RBPJ: variants seen among roughly 807,000 people sequenced by gnomAD.
RBPJ encodes recombining binding protein suppressor of hairless.
RBPJ carries 9 observed loss-of-function variants against 67.8 expected under a neutral mutation model. The observed-to-expected ratio is 0.13, with a 90% confidence interval of 0.08 to 0.23. The LOEUF (loss-of-function observed/expected upper bound fraction) is 0.23. Ranked by LOEUF, RBPJ falls within the 10% of genes least tolerant of loss-of-function variation. The pLI is 1.00. For synonymous variants in RBPJ, 198 were observed against 203.3 expected, an observed-to-expected ratio of 0.97 and a Z score of 0.22; for missense variants, 305 against 595.6, an observed-to-expected ratio of 0.51 and a Z score of 5.08.
At chr4:26,348,469 A>G (rs997602007) in intron 1 of RBPJ, among the ~76,000 whole-genome samples, 1 of 152,086 alleles carries the variant, frequency 6.6e-6, no homozygotes, top group Admixed American at 6.6e-5. Flanking sequence ...ACATACATCA[A>G]TTTCTTTTTC....
intron 1 of RBPJ, among the ~76,000 whole-genome samples, chr4:26,248,486 A>C (rs1719997955): frequency 6.6e-6 from 1 of 152,216 alleles, no homozygotes; most frequent in Non-Finnish European, 1.5e-5. Context: ...CCTCCCAAAT[A>C]ATGCAGAATA....
At chr4:26,214,475 G>A (rs369154741) in intron 1 of RBPJ, among the ~76,000 whole-genome samples, 184 of 109,594 alleles carry the variant, frequency 1.7e-3, no homozygotes, top group African/African-American at 5.9e-3. Flanking sequence ...AGAGAAGAAA[G>A]AGAAACAAGG....
intron 1 of RBPJ, among the ~76,000 whole-genome samples, chr4:26,308,425 C>A (rs560520640): frequency 6.6e-6 from 1 of 152,138 alleles, no homozygotes; most frequent in African/African-American, 2.4e-5. Flanking sequence ...CCTTAAGAGA[C>A]TTTTTTCTTG....
chr4:26,109,103 CTTTTTTTT>C, the RBPJ span, among the ~76,000 whole-genome samples: 8 of 130,038 alleles, frequency 6.2e-5, no homozygotes, highest in Admixed American at 1.6e-4. Flanking sequence ...TTGCCTTCCT[CTTTTTTTT>C]TTTTTTTTTT....
At chr4:26,195,717 C>A (rs2109146832) in intron 1 of RBPJ, among the ~76,000 whole-genome samples, 1 of 152,192 alleles carries the variant, frequency 6.6e-6, no homozygotes, top group Non-Finnish European at 1.5e-5. Context: ...GCCTTAGCCT[C>A]CTGGGTAGCT....
At chr4:26,196,196 T>A (rs1356149736) in intron 1 of RBPJ, among the ~76,000 whole-genome samples, 1 of 152,144 alleles carries the variant, frequency 6.6e-6, no homozygotes, top group Non-Finnish European at 1.5e-5. Context: ...CATCAGCTGG[T>A]GTATGGATGA....
In RBPJ at chr4:26,434,557, A is replaced by G. The variant is rs1736505263; in HGVS notation, c.*3550A>G. 1 of 152,218 alleles carries G rather than the reference A, an allele frequency of 6.6e-6. No homozygotes were observed. Among genetic ancestry groups the G allele is most frequent in the African/African-American group, 2.4e-5 (1 of 41,456 alleles). The allele number at this position is 152,218 out of a possible 1,614,324, so 9.4% of individuals were successfully genotyped here. ...GGGATGGATGGTTAGAAACAATAAT[A>G]TATTAGGGTTTCTGTTTAACCCTTT... On this transcript the variant is annotated 3_prime_UTR_variant, in exon 11 of 11. Transcript: ENST00000355476.
upstream of RBPJ, chr4:26,319,831 G>A (rs375571599): frequency 1.8e-5 from 29 of 1,579,838 alleles, no homozygotes; most frequent in Non-Finnish European, 2.2e-5. Context: ...GGCAGTGCTG[G>A]ATCTGGGAAT....
intron 1 of RBPJ, among the ~76,000 whole-genome samples, chr4:26,208,525 A>G (rs1718248966): frequency 1.3e-5 from 2 of 152,212 alleles, no homozygotes; most frequent in Non-Finnish European, 2.9e-5. Flanking sequence ...ATATTTCAAG[A>G]GTGATAATGA....
upstream of RBPJ, among the ~76,000 whole-genome samples, chr4:26,160,068 G>A (rs372680913): frequency 2.6e-5 from 4 of 152,172 alleles, no homozygotes; most frequent in Non-Finnish European, 4.4e-5. Context: ...ACAGGCGCCC[G>A]CCACCGTGCC....
intron 2 of RBPJ, among the ~76,000 whole-genome samples, chr4:26,402,204 T>G (rs1479122985): frequency 6.6e-6 from 1 of 152,178 alleles, no homozygotes; most frequent in East Asian, 1.9e-4. Flanking sequence ...TGTTTTCTGA[T>G]TCACCCTGAA....
At chr4:26,210,377 C>T (rs537799371) in intron 1 of RBPJ, among the ~76,000 whole-genome samples, 121 of 152,302 alleles carry the variant, frequency 7.9e-4, no homozygotes, top group Middle Eastern at 3.4e-3. Flanking sequence ...AGTCTATCCA[C>T]ATGTAGAAAC....
At chr4:26,168,796 C>A (rs1282715042) in intron 1 of RBPJ, among the ~76,000 whole-genome samples, 1 of 152,058 alleles carries the variant, frequency 6.6e-6, no homozygotes, top group African/African-American at 2.4e-5. Flanking sequence ...CTCTAAACTT[C>A]CCTTCTCACT....
At chr4:26,250,094 T>G (rs557111110) in intron 1 of RBPJ, among the ~76,000 whole-genome samples, 296 of 151,606 alleles carry the variant, frequency 2.0e-3, no homozygotes, top group African/African-American at 6.7e-3. Context: ...CCTTCCGAAC[T>G]TTTTCATCAT....
chr4:26,334,208 T>G (rs1010612034), intron 1 of RBPJ, among the ~76,000 whole-genome samples: 1 of 151,930 alleles, frequency 6.6e-6, no homozygotes, highest in South Asian at 2.1e-4. Context: ...GCCCAGCTAA[T>G]TTTTGTATTT....
the RBPJ span, among the ~76,000 whole-genome samples, chr4:26,140,634 C>A: frequency 1.7e-5 from 2 of 116,930 alleles, no homozygotes; most frequent in African/African-American, 5.8e-5. Flanking sequence ...CACCCCCCCA[C>A]CCCCCAAATC....
At chr4:26,401,863 C>T (rs1456634707) in intron 2 of RBPJ, among the ~76,000 whole-genome samples, 1 of 147,196 alleles carries the variant, frequency 6.8e-6, no homozygotes, top group African/African-American at 2.5e-5. Context: ...CTTGGCTTTG[C>T]TTTTGTTTTC....
At chr4:26,259,820 T>C (rs946023143) in intron 1 of RBPJ, among the ~76,000 whole-genome samples, 1 of 152,220 alleles carries the variant, frequency 6.6e-6, no homozygotes, top group East Asian at 1.9e-4. Context: ...CACTGCAGAT[T>C]TCATCTTCAG....
At chr4:26,375,421 T>C (rs1729619334) in intron 1 of RBPJ, among the ~76,000 whole-genome samples, 1 of 152,192 alleles carries the variant, frequency 6.6e-6, no homozygotes, top group Non-Finnish European at 1.5e-5. Context: ...GTGTTTCTTA[T>C]TTGCTGCTAT....
Sources: allele counts gnomAD v4.1 joint callset (sites outside exome capture counted in the v4.1 genomes callset), GRCh38; gene constraint gnomAD v4.1.1; transcripts MANE v1.5; gene names NCBI Gene and HGNC (gene_info 2026-07-23, HGNC 2026-07-21).